Variants in EYA2 observed in about 807,000 individuals in gnomAD.
EYA2 encodes protein phosphatase EYA2.
In EYA2, 31 loss-of-function variants were observed where a neutral mutation model predicts 69.2. That is an observed-to-expected ratio of 0.45 (90% CI 0.34 to 0.60). EYA2 has a LOEUF of 0.60. EYA2 is among the 20% of genes least tolerant of loss of function. EYA2 has a pLI of 0.02. For synonymous variants in EYA2, 257 were observed against 279.4 expected (o/e 0.92, Z 0.80); for missense variants, 622 against 701.2 (o/e 0.89, Z 1.28).
intron 5 of EYA2, among the ~76,000 whole-genome samples, chr20:47,046,163 C>G (rs2030025440): frequency 6.6e-6 from 1 of 152,168 alleles, no homozygotes; most frequent in Non-Finnish European, 1.5e-5. Flanking sequence ...TGTGTCCTTA[C>G]ATGGCAGAAA....
rs1416126655 is a variant in EYA2, at chr20:47,063,438, CAGTG to C, written c.416-8744_416-8741del. Among the ~76,000 whole-genome samples the C allele has an allele frequency of 9.9e-5, 12 of 120,694 alleles. No individual in the cohort carries two copies. The East Asian group carries it at 1.5e-3, about 15-fold the overall frequency. 79.2% of individuals were successfully genotyped at this position (120,694 alleles called of 152,430 possible). On this transcript the variant is annotated intron_variant, in intron 5 of 15. Coordinates refer to ENST00000327619, the MANE Select transcript of EYA2 (RefSeq NM_005244.5). The stretch of plus-strand genomic sequence containing the variant: ...GTGTGTGTGTGTGTGTGTTTTGAGA[CAGTG>C]AGGCAGGAGAATAGGGTCTGGAGGC...
chr20:47,050,861 G>C (rs2030293103), intron 5 of EYA2, among the ~76,000 whole-genome samples: 1 of 152,258 alleles, frequency 6.6e-6, no homozygotes, highest in Non-Finnish European at 1.5e-5. Flanking sequence ...TAGCGCTCCA[G>C]CAGGCATACC....
intron 1 of EYA2, among the ~76,000 whole-genome samples, chr20:46,940,644 C>A (rs2146262217): frequency 6.6e-6 from 1 of 152,334 alleles, no homozygotes; most frequent in African/African-American, 2.4e-5. Context: ...CCTCTTGTCC[C>A]TGAGGGGTTA....
intron 7 of EYA2, among the ~76,000 whole-genome samples, chr20:47,085,248 G>T (rs529937243): frequency 2.0e-5 from 3 of 152,278 alleles, no homozygotes; most frequent in African/African-American, 7.2e-5. Context: ...GTTCATAGCA[G>T]CCTTATTAGA....
In EYA2 at chr20:47,062,938, G is replaced by T. The variant is rs548913505; in HGVS notation, c.416-9247G>T. ...TAGGGTGCCCAGGAGTGTGGCAGAA[G>T]GCGGGGGTTCTGATCTTTCTGGGCC... On this transcript the variant is annotated intron_variant, in intron 5 of 15. Transcript: ENST00000327619. Among the ~76,000 whole-genome samples, 18 of 152,290 alleles carry T rather than the reference G, an allele frequency of 1.2e-4. No individual in the cohort carries two copies. The South Asian group carries it at 3.7e-3, about 32-fold the overall frequency.
chr20:47,101,836 A>G (rs2032431290), intron 9 of EYA2, among the ~76,000 whole-genome samples: 1 of 152,218 alleles, frequency 6.6e-6, no homozygotes. Context: ...TGAGACCTAC[A>G]GAAGTTGTGT....
chr20:46,981,967 C>T (rs1980862840), intron 1 of EYA2, among the ~76,000 whole-genome samples: 1 of 151,804 alleles, frequency 6.6e-6, no homozygotes, highest in Non-Finnish European at 1.5e-5. Context: ...AGTGGTTATC[C>T]TAAATATTAT....
Position 47,016,276 on chromosome 20 carries a change from C to T in EYA2, c.394C>T (p.Pro132Ser). ...CAGCACCTCACCCACTGGACAGAGC[C>T]CATACACCTACCAGATGCACGGTCA... is the stretch of plus-strand genomic sequence containing the variant. The part of the protein sequence containing the change: ...SFSTSPTGQS[P>S]YTYQMHGTTG... Residue 132 changes from proline (P) to serine (S), a missense_variant, in exon 5 of 16, where the codon CCA (proline) becomes TCA (serine). Physicochemically the swap from Pro to Ser is moderately conservative, Grantham distance 74. Coordinates refer to ENST00000327619, the MANE Select transcript of EYA2 (RefSeq NM_005244.5). The T allele has an allele frequency of 6.2e-7, 1 of 1,614,096 alleles. No homozygotes were observed. Among genetic ancestry groups the T allele is most frequent in the Non-Finnish European group, 8.5e-7 (1 of 1,179,918 alleles).
At chr20:47,129,097 C>G (rs531832039) in intron 9 of EYA2, among the ~76,000 whole-genome samples, 6 of 152,104 alleles carry the variant, frequency 3.9e-5, no homozygotes, top group Non-Finnish European at 8.8e-5. Context: ...GCACTCCAGC[C>G]TGGGTAACAC....
chr20:47,026,514 C>CA (rs531562167), intron 5 of EYA2, among the ~76,000 whole-genome samples: 83 of 148,644 alleles, frequency 5.6e-4, no homozygotes, highest in Middle Eastern at 3.5e-3. Flanking sequence ...AGCAAACAAA[C>CA]AAAAAAAAAG....
chr20:46,941,572 G>T (rs1159602942), intron 1 of EYA2, among the ~76,000 whole-genome samples: 2 of 152,118 alleles, frequency 1.3e-5, no homozygotes, highest in East Asian at 3.9e-4. Context: ...GTGGTTAAAG[G>T]CTCTGACATT....
At chr20:46,932,343 C>G (rs1278498522) in intron 1 of EYA2, among the ~76,000 whole-genome samples, 1 of 152,160 alleles carries the variant, frequency 6.6e-6, no homozygotes, top group Non-Finnish European at 1.5e-5. Flanking sequence ...TCTGCTCCCC[C>G]CACCAAGTGG....
intron 9 of EYA2, among the ~76,000 whole-genome samples, chr20:47,107,736 AAAGAAG>A (rs1273294570): frequency 6.7e-6 from 1 of 149,350 alleles, no homozygotes; most frequent in Admixed American, 6.7e-5. Flanking sequence ...AAGAAAAGAA[AAAGAAG>A]AAGAGAGAAG....
chr20:47,026,873 ACT>A (rs1232198918), intron 5 of EYA2, among the ~76,000 whole-genome samples: 1 of 152,078 alleles, frequency 6.6e-6, no homozygotes, highest in East Asian at 1.9e-4. Context: ...GATCCCTAAA[ACT>A]CTATTTAATG....
chr20:47,083,032 A>G (rs572964095), intron 7 of EYA2, among the ~76,000 whole-genome samples: 5 of 152,246 alleles, frequency 3.3e-5, no homozygotes, highest in African/African-American at 1.2e-4. Flanking sequence ...TGTCTCTGCA[A>G]AAAAATAAAA....
chr20:47,111,709 A>C (rs1251067173), intron 9 of EYA2, among the ~76,000 whole-genome samples: 1 of 152,176 alleles, frequency 6.6e-6, no homozygotes, highest in Non-Finnish European at 1.5e-5. Context: ...GCAAAAGTAA[A>C]CATAAGCCAG....
At chr20:47,053,792 T>C (rs1013063088) in intron 5 of EYA2, among the ~76,000 whole-genome samples, 1 of 149,586 alleles carries the variant, frequency 6.7e-6, no homozygotes, top group South Asian at 2.1e-4. Flanking sequence ...GTCTCAAGGG[T>C]GGGGGTGATA....
chr20:47,150,862 CAT>C (rs1026143207), intron 10 of EYA2, among the ~76,000 whole-genome samples: 5 of 152,000 alleles, frequency 3.3e-5, no homozygotes, highest in African/African-American at 1.2e-4. Flanking sequence ...TTGGCCTTAA[CAT>C]AGTCACTTGG....
At chr20:47,109,718 C>A (rs977051304) in intron 9 of EYA2, among the ~76,000 whole-genome samples, 50 of 152,296 alleles carry the variant, frequency 3.3e-4, no homozygotes, top group African/African-American at 1.1e-3. Flanking sequence ...CATTGCCATA[C>A]ATACAACTCT....
Sources: allele counts gnomAD v4.1 joint callset (sites outside exome capture counted in the v4.1 genomes callset), GRCh38; gene constraint gnomAD v4.1.1; transcripts MANE v1.5; gene names NCBI Gene and HGNC (gene_info 2026-07-23, HGNC 2026-07-21).